RFX3: variants seen among roughly 807,000 people sequenced by gnomAD.
RFX3 encodes transcription factor RFX3.
RFX3 carries 14 observed loss-of-function variants against 98.6 expected under a neutral mutation model. The observed-to-expected ratio is 0.14, with a 90% CI of 0.09 to 0.22. The LOEUF (loss-of-function observed/expected upper bound fraction) is 0.22, where lower values mean the gene tolerates loss of function less well. Ranked by LOEUF, RFX3 falls within the 10% of genes least tolerant of loss-of-function variation. The pLI is 1.00. For synonymous variants in RFX3, 383 were observed against 328.4 expected, an observed-to-expected ratio of 1.17 and a Z score of -1.80; for missense variants, 639 against 926.9, an observed-to-expected ratio of 0.69 and a Z score of 4.03.
At position 3,470,563 on chromosome 9, in the gene RFX3, G is replaced by C. The variant is rs187342039; in HGVS notation, c.-9+55184C>G. ...AGGATGGTCTCGATCTCCTGACCTCGTGATCCGCCCGCCTCGGCCTCCCAG... is the reference window on the plus strand; with the variant it reads ...AGGATGGTCTCGATCTCCTGACCTCCTGATCCGCCCGCCTCGGCCTCCCAG... On this transcript the variant is annotated intron_variant, in intron 1 of 16. Coordinates refer to ENST00000617270, the MANE Select transcript of RFX3 (RefSeq NM_001282116.2). Among the ~76,000 whole-genome samples the C allele has an allele frequency of 1.6e-4, 25 of 151,530 alleles. No homozygotes were observed. The East Asian group carries it at 4.7e-3, about 28-fold the overall frequency.
chr9:3,319,923 G>C (rs770889540), intron 4 of RFX3, among the ~76,000 whole-genome samples: 6 of 150,430 alleles, frequency 4.0e-5, no homozygotes, highest in Non-Finnish European at 1.5e-5. Flanking sequence ...ATTCCAAAAT[G>C]TTGAACAGTA....
Position 3,510,040 on chromosome 9 carries a change from G to A in RFX3, c.-9+15707C>T, listed in dbSNP as rs1461380934. Among the ~76,000 whole-genome samples, 3 of 151,912 alleles carry A rather than the reference G, an allele frequency of 2.0e-5. No individual in the cohort carries two copies. The South Asian group carries it at 6.2e-4, about 31-fold the overall frequency. ...CTAATTATGTTTCTACTGAAATCCT[G>A]TATATTTGGGCCATTTGGAAACATG... is the stretch of plus-strand genomic sequence containing the variant. On this transcript the variant is annotated intron_variant, in intron 1 of 16. Transcript: ENST00000617270.
chr9:3,299,002 A>G (rs1049382532), intron 5 of RFX3, among the ~76,000 whole-genome samples: 1 of 151,746 alleles, frequency 6.6e-6, no homozygotes, highest in African/African-American at 2.4e-5. Context: ...GATCCTTTGG[A>G]GACAGTGATA....
chr9:3,395,360 T>G, intron 2 of RFX3, 112 bp downstream of exon 2: 13 of 1,201,700 alleles, frequency 1.1e-5, no homozygotes, highest in Non-Finnish European at 1.5e-5. Flanking sequence ...AAAACTGAAG[T>G]ATGCCTATCA....
chr9:3,429,168 G>A (rs1473341385), intron 1 of RFX3, among the ~76,000 whole-genome samples: 2 of 150,948 alleles, frequency 1.3e-5, no homozygotes, highest in Admixed American at 6.6e-5. Context: ...GACTACAGGC[G>A]CCCGCCAACA....
At position 3,347,806 on chromosome 9, in the gene RFX3, A is replaced by G. The variant is rs187836856; in HGVS notation, c.118-1042T>C. ...GTGCCATTGCACTCCAGCCTGGGCAACAAGATCAAAACTCTGTCTCAAAAA... is the reference window on the plus strand; with the variant it reads ...GTGCCATTGCACTCCAGCCTGGGCAGCAAGATCAAAACTCTGTCTCAAAAA... On this transcript the variant is annotated intron_variant, in intron 2 of 16. Transcript: ENST00000617270. Among the ~76,000 whole-genome samples, 12 of 152,338 alleles carry G rather than the reference A, an allele frequency of 7.9e-5. No individual in the cohort carries two copies. The East Asian group carries it at 1.9e-3, about 25-fold the overall frequency.
chr9:3,525,821 G>A lies in RFX3; in HGVS notation c.-83C>T. ...TGGTGGGGAGGAGGAGGAGGAAGAGGAGGAGGAGGAGGAGAGGAGTAGTTG... is the reference window on the plus strand; with the variant it reads ...TGGTGGGGAGGAGGAGGAGGAAGAGAAGGAGGAGGAGGAGAGGAGTAGTTG... On this transcript the variant is annotated 5_prime_UTR_variant, in exon 1 of 17. Transcript: ENST00000617270. The A allele has an allele frequency of 1.1e-6, 1 of 912,100 alleles. No homozygotes were observed. The highest frequency in any genetic ancestry group is 1.3e-6 in the Non-Finnish European group (1 of 762,738). 56.5% of individuals were successfully genotyped at this position (912,100 alleles called of 1,614,324 possible).
At chr9:3,288,056 T>C (rs1480701400) in intron 7 of RFX3, 75 bp downstream of exon 7, 2 of 1,378,242 alleles carry the variant, frequency 1.5e-6, no homozygotes, top group Middle Eastern at 1.9e-4. Flanking sequence ...CTTAGGTATT[T>C]GTTCAGAAAA....
intron 1 of RFX3, among the ~76,000 whole-genome samples, chr9:3,522,061 C>T (rs1340308067): frequency 1.3e-5 from 2 of 151,908 alleles, no homozygotes; most frequent in African/African-American, 4.8e-5. Context: ...AAAAACTTTT[C>T]CTAGAAAACT....
intron 1 of RFX3, among the ~76,000 whole-genome samples, chr9:3,439,831 C>T (rs1031300561): frequency 6.6e-6 from 1 of 151,872 alleles, no homozygotes; most frequent in African/African-American, 2.4e-5. Flanking sequence ...AAAAGGAAAC[C>T]ACACACCAAT....
chr9:3,449,224 G>A (rs188710198), intron 1 of RFX3, among the ~76,000 whole-genome samples: 12 of 152,210 alleles, frequency 7.9e-5, no homozygotes, highest in Admixed American at 2.0e-4. Context: ...TCCTTCTGTC[G>A]TGTCCAAGAT....
At chr9:3,504,965 A>T (rs1476589359) in intron 1 of RFX3, among the ~76,000 whole-genome samples, 30 of 78,070 alleles carry the variant, frequency 3.8e-4, no homozygotes, top group Non-Finnish European at 5.9e-4. Context: ...TATTATATAT[A>T]ATATATATTA....
chr9:3,301,663 G>T (rs374407621), intron 4 of RFX3, 43 bp from the exon 5 acceptor site: 3 of 1,360,670 alleles, frequency 2.2e-6, no homozygotes, highest in Admixed American at 3.5e-5. Flanking sequence ...AGACAAGATA[G>T]TAATAAAAGG....
At chr9:3,476,577 T>C (rs1401727126) in intron 1 of RFX3, among the ~76,000 whole-genome samples, 1 of 152,182 alleles carries the variant, frequency 6.6e-6, no homozygotes, top group Non-Finnish European at 1.5e-5. Flanking sequence ...ATCTCTGCCT[T>C]ATAAGGTAGT....
intron 2 of RFX3, among the ~76,000 whole-genome samples, chr9:3,360,045 CT>C (rs1288050442): frequency 6.6e-6 from 1 of 152,098 alleles, no homozygotes; most frequent in Non-Finnish European, 1.5e-5. Context: ...AAACCAGCAT[CT>C]TGTAGTCATT....
intron 1 of RFX3, among the ~76,000 whole-genome samples, chr9:3,412,826 C>G (rs1232071112): frequency 6.6e-6 from 1 of 152,166 alleles, no homozygotes; most frequent in Non-Finnish European, 1.5e-5. Flanking sequence ...GGCAATTCTA[C>G]TGGTAAATTC....
chr9:3,411,366 A>C (rs1421619719), intron 1 of RFX3, among the ~76,000 whole-genome samples: 1 of 150,316 alleles, frequency 6.7e-6, no homozygotes, highest in Admixed American at 6.6e-5. Context: ...TTTTTTATTT[A>C]TTTATTTATT....
At position 3,483,418 on chromosome 9, in the gene RFX3, T is replaced by A. The variant is rs988565190; in HGVS notation, c.-9+42329A>T. ...TATTTCCAGACTACTGCATAACAGGTATTAAATAAATATTTGTTGAATAAA... is the reference window on the plus strand; with the variant it reads ...TATTTCCAGACTACTGCATAACAGGAATTAAATAAATATTTGTTGAATAAA... On this transcript the variant is annotated intron_variant, in intron 1 of 16. Transcript: ENST00000617270. 1.6e-4 allele frequency among the ~76,000 whole-genome samples: 25 copies of A among 152,138 alleles called. 1 individual carries two copies. Among genetic ancestry groups the A allele is most frequent in the Non-Finnish European group, 8.8e-5 (6 of 68,024 alleles).
intron 1 of RFX3, among the ~76,000 whole-genome samples, chr9:3,512,909 T>C (rs1817783782): frequency 6.6e-6 from 1 of 152,096 alleles, no homozygotes; most frequent in Admixed American, 6.5e-5. Flanking sequence ...CAACACTTTT[T>C]TATCCTTCTT....
Sources: gnomAD v4.1 joint callset for allele counts (sites outside exome capture counted in the v4.1 genomes callset) on GRCh38, gnomAD v4.1.1 for gene constraint, MANE v1.5 for transcripts, NCBI Gene and HGNC (gene_info 2026-07-23, HGNC 2026-07-21) for gene names.